Variants in NRG2 observed in about 807,000 individuals in gnomAD.
NRG2 encodes the protein neuregulin 2.
A neutral mutation model predicts 73.9 loss-of-function variants in NRG2; 27 were observed. The observed-to-expected ratio is 0.37, with a 90% CI of 0.27 to 0.50. NRG2 has a LOEUF of 0.50. Among genes scored for constraint, NRG2 ranks in the 20% least tolerant of loss-of-function variants. NRG2 has a pLI of 0.96. For synonymous variants in NRG2, 532 were observed against 541.0 expected (o/e 0.98, Z 0.23); for missense variants, 1,126 against 1,210.1 (o/e 0.93, Z 1.03).
At chr5:140,035,120 T>C (rs190644219) in intron 1 of NRG2, among the ~76,000 whole-genome samples, 1 of 152,236 alleles carries the variant, frequency 6.6e-6, no homozygotes. Context: ...TCATTCCCCT[T>C]TCATTTTGTT....
chr5:140,038,468 C>G (rs1761672244), intron 1 of NRG2, among the ~76,000 whole-genome samples: 1 of 152,180 alleles, frequency 6.6e-6, no homozygotes, highest in Non-Finnish European at 1.5e-5. Context: ...GTTAAGTACT[C>G]TAGTTGATAA....
intron 5 of NRG2, among the ~76,000 whole-genome samples, chr5:139,863,534 C>T (rs932928735): frequency 2.0e-5 from 3 of 152,198 alleles, no homozygotes; most frequent in East Asian, 1.9e-4. Context: ...GGCCCGGTTC[C>T]GGAGGCTCTG....
chr5:139,908,886 T>A (rs968492781), intron 1 of NRG2, among the ~76,000 whole-genome samples: 1 of 152,218 alleles, frequency 6.6e-6, no homozygotes, highest in Non-Finnish European at 1.5e-5. Context: ...AGCAAAGGTT[T>A]CTCAGGGGAG....
rs200732808 is a variant in NRG2, at chr5:140,040,215, A to AT, written c.700+2154dup. Among the ~76,000 whole-genome samples the AT allele has an allele frequency of 5.7e-3, 854 of 151,074 alleles. 9 individuals are homozygous for AT. Among genetic ancestry groups the AT allele is most frequent in the African/African-American group, 0.019 (798 of 41,164 alleles). On this transcript the variant is annotated intron_variant, in intron 1 of 9. Transcript: ENST00000361474. ...TCCCTTTGAATATCAATTCAAAGCAATTTTTTTTTGCATTCTAAAATGTTT... is the reference window on the plus strand; with the variant it reads ...TCCCTTTGAATATCAATTCAAAGCAATTTTTTTTTTGCATTCTAAAATGTTT...
chr5:140,041,652 C>A (rs1313602887), intron 1 of NRG2, among the ~76,000 whole-genome samples: 1 of 147,494 alleles, frequency 6.8e-6, no homozygotes, highest in Non-Finnish European at 1.5e-5. Context: ...CCTTGTAATT[C>A]CCCCAGAAAC....
chr5:140,037,265 T>C (rs1158056286), intron 1 of NRG2, among the ~76,000 whole-genome samples: 1 of 152,234 alleles, frequency 6.6e-6, no homozygotes, highest in Non-Finnish European at 1.5e-5. Flanking sequence ...AGAATTGCTG[T>C]ATGGGTTGAG....
intron 1 of NRG2, among the ~76,000 whole-genome samples, chr5:139,964,386 A>G (rs1285687986): frequency 6.8e-6 from 1 of 146,602 alleles, no homozygotes; most frequent in Non-Finnish European, 1.5e-5. Context: ...ACACACACAC[A>G]CACACGGATG....
intron 1 of NRG2, among the ~76,000 whole-genome samples, chr5:139,942,932 C>T (rs1753510823): frequency 6.6e-6 from 1 of 152,170 alleles, no homozygotes; most frequent in Admixed American, 6.5e-5. Context: ...CCTCCACCTT[C>T]TAGTTTCAAG....
chr5:139,942,381 A>T (rs1362294321), intron 1 of NRG2, among the ~76,000 whole-genome samples: 1 of 152,192 alleles, frequency 6.6e-6, no homozygotes, highest in Non-Finnish European at 1.5e-5. Flanking sequence ...AAATTTCCCC[A>T]ATTAAGCCTT....
intron 1 of NRG2, among the ~76,000 whole-genome samples, chr5:139,959,623 G>A (rs541487465): frequency 3.3e-5 from 5 of 151,828 alleles, no homozygotes; most frequent in South Asian, 2.1e-4. Context: ...TCATCCACCC[G>A]CCTCGGCCTC....
chr5:139,950,934 C>T (rs776066838), intron 1 of NRG2, among the ~76,000 whole-genome samples: 1 of 152,234 alleles, frequency 6.6e-6, no homozygotes, highest in East Asian at 1.9e-4. Flanking sequence ...AGTATCCTGG[C>T]CACTGCTGCC....
At chr5:139,988,205 T>A (rs978073950) in intron 1 of NRG2, among the ~76,000 whole-genome samples, 1 of 152,060 alleles carries the variant, frequency 6.6e-6, no homozygotes, top group East Asian at 1.9e-4. Context: ...CTGGTGGGAA[T>A]GCAAAAGGGC....
chr5:139,868,632 C>T lies in NRG2; in HGVS notation c.1113-3007G>A, dbSNP rs1561639728. Among the ~76,000 whole-genome samples, 1 of 152,048 alleles carries T rather than the reference C, an allele frequency of 6.6e-6. No individual in the cohort carries two copies. The highest frequency in any genetic ancestry group is 6.5e-5 in the Admixed American group (1 of 15,284). On this transcript the variant is annotated intron_variant, in intron 4 of 9. Coordinates refer to ENST00000361474, the MANE Select transcript of NRG2 (RefSeq NM_004883.3). This position sits in a 1 kb window ranked among gnomAD's most constrained non-coding sequence, Gnocchi z 4.2. ...GTGACAGAGAGGTCAGGACCTCTGC[C>T]TTCCCCTTTTCCCACCCCACCTCCC... is the stretch of plus-strand genomic sequence containing the variant.
At chr5:139,880,752 G>A in intron 3 of NRG2, 104 bp downstream of exon 3, 1 of 754,712 alleles carries the variant, frequency 1.3e-6, no homozygotes, top group Non-Finnish European at 2.2e-6. Context: ...AGGGAGGGGA[G>A]TTGAGTGCGA....
intron 1 of NRG2, among the ~76,000 whole-genome samples, chr5:139,932,111 C>A (rs1164949826): frequency 6.6e-6 from 1 of 152,088 alleles, no homozygotes; most frequent in East Asian, 1.9e-4. Flanking sequence ...GACAAAATCA[C>A]CACTTCATAA....
Position 139,853,062 on chromosome 5 carries a change from C to T in NRG2, c.1293-35G>A, listed in dbSNP as rs1761568477. 1 of 1,610,828 alleles carries T rather than the reference C, an allele frequency of 6.2e-7. No homozygotes were observed. The highest frequency in any genetic ancestry group is 2.2e-5 in the East Asian group (1 of 44,776). On this transcript the variant is annotated intron_variant, in intron 6 of 9. Transcript: ENST00000361474. The surrounding 1 kb of genome is among the most constrained non-coding windows in gnomAD (Gnocchi z 4.1). ...GGAAGGGAAGGTGAGGCTGGCATTC[C>T]CCCCACTCGCCAACGATGAACTTCC...
At chr5:139,978,538 G>T (rs896767438) in intron 1 of NRG2, among the ~76,000 whole-genome samples, 2 of 152,138 alleles carry the variant, frequency 1.3e-5, no homozygotes, top group Non-Finnish European at 2.9e-5. Flanking sequence ...TCAGTGTGGC[G>T]ATTCCTCAGG....
chr5:139,848,923 T>C (rs1486437211), intron 9 of NRG2, among the ~76,000 whole-genome samples: 1 of 152,200 alleles, frequency 6.6e-6, no homozygotes, highest in Non-Finnish European at 1.5e-5. Context: ...AACCATGGTG[T>C]TGATTCCATA....
chr5:139,925,004 T>C (rs925737595), intron 1 of NRG2, among the ~76,000 whole-genome samples: 4 of 151,802 alleles, frequency 2.6e-5, no homozygotes, highest in Admixed American at 6.6e-5. Flanking sequence ...CTCAGGACAG[T>C]AGGACACACG....
Sources: gnomAD v4.1 joint callset for allele counts (sites outside exome capture counted in the v4.1 genomes callset) on GRCh38, gnomAD v4.1.1 for gene constraint, Gnocchi (gnomAD v3.1) non-coding constraint, MANE v1.5 for transcripts, NCBI Gene and HGNC (gene_info 2026-07-23, HGNC 2026-07-21) for gene names.